GOLGA6L2: variants seen among roughly 807,000 people sequenced by gnomAD.
GOLGA6L2 encodes golgin subfamily A member 6-like protein 2.
A neutral mutation model predicts 35.9 loss-of-function variants in GOLGA6L2; 30 were observed. That is an observed-to-expected ratio of 0.83 (90% CI 0.62 to 1.13). The LOEUF (loss-of-function observed/expected upper bound fraction) is 1.13. Among genes scored for constraint, GOLGA6L2 ranks in the 50% most tolerant of loss-of-function variants. The pLI is 0.00. For missense variants in GOLGA6L2, 821 were observed against 973.4 expected, an observed-to-expected ratio of 0.84 and a Z score of 2.08; for synonymous variants, 297 against 344.0, an observed-to-expected ratio of 0.86 and a Z score of 1.51.
Position 23,441,844 on chromosome 15 carries a change from A to T in GOLGA6L2, c.792+135T>A, listed in dbSNP as rs564321723. 1.1e-4 allele frequency: 144 copies of T among 1,366,414 alleles called. No homozygotes were observed. The African/African-American group carries it at 2.0e-3, about 19-fold the overall frequency. The allele number at this position is 1,366,414 out of a possible 1,614,324, so 84.6% of individuals were successfully genotyped here. A position where few individuals can be genotyped will look rare whatever the true frequency, so the allele number is the denominator to read the frequency against. ...GTAGATTTTTAGCACACTCTAGAGG[A>T]TTCTATGGTGGGACCAGAACAAGGA... On this transcript the variant is annotated intron_variant, in intron 7 of 7. Coordinates refer to ENST00000567107, the MANE Select transcript of GOLGA6L2 (RefSeq NM_001304388.2).
chr15:23,443,964 G>A lies in GOLGA6L2; in HGVS notation c.404C>T (p.Thr135Ile), dbSNP rs1420460546. The change falls in exon 5 of 8, where the codon ACC (threonine) becomes ATC (isoleucine). Residue 135 changes from threonine (T) to isoleucine (I), a missense_variant. Thr to Ile is a moderately conservative substitution (Grantham distance 89). Coordinates refer to ENST00000567107, the MANE Select transcript of GOLGA6L2 (RefSeq NM_001304388.2). Reference protein sequence around the residue: ...ARKFEDGNLGTPSSFNLALSQ... With the variant: ...ARKFEDGNLGIPSSFNLALSQ... The stretch of plus-strand genomic sequence containing the variant: ...AAGTGCCAGGTTGAAGGATGATGGG[G>A]TGCCCAGGTTCCCATCTTCAAATTT... 1.9e-6 allele frequency: 3 copies of A among 1,561,738 alleles called. No homozygotes were observed. The highest frequency in any genetic ancestry group is 2.6e-6 in the Non-Finnish European group (3 of 1,160,422).
chr15:23,442,518 G>A lies in GOLGA6L2; in HGVS notation c.592-10C>T. 1 of 1,588,476 alleles carries A rather than the reference G, an allele frequency of 6.3e-7. No homozygotes were observed. The highest frequency in any genetic ancestry group is 8.5e-7 in the Non-Finnish European group (1 of 1,174,432). ...TTAACTCCTCGATGTACTGCAAATAGAGAAAGGTTAAGTCAGGACAGAGCA... is the reference window on the plus strand; with the variant it reads ...TTAACTCCTCGATGTACTGCAAATAAAGAAAGGTTAAGTCAGGACAGAGCA... On this transcript the variant is annotated splice_polypyrimidine_tract_variant and intron_variant, in intron 5 of 7. Transcript: ENST00000567107.
rs2070649338 is a variant in GOLGA6L2 at position 23,440,375 on chromosome 15, T to G, written c.2100A>C (p.Arg700Ser). 1 of 1,211,366 alleles carries G rather than the reference T, an allele frequency of 8.3e-7. No individual in the cohort carries two copies. The highest frequency in any genetic ancestry group is 1.1e-6 in the Non-Finnish European group (1 of 898,114). The allele number at this position is 1,211,366 out of a possible 1,614,324, so 75.0% of individuals were successfully genotyped here. A position where few individuals can be genotyped will look rare whatever the true frequency, so the allele number is the denominator to read the frequency against. ...AGCTTCTCCTTCTGTTCCGGCAGCCTCTGCTGCTCCCACATCTTCTTCTTC... is the reference window on the plus strand; with the variant it reads ...AGCTTCTCCTTCTGTTCCGGCAGCCGCTGCTGCTCCCACATCTTCTTCTTC... ...GAGRRRCGSS[R>S]GCRNRRRSCG... Residue 700 changes from arginine to serine, a missense_variant, in exon 8 of 8, where the codon AGA becomes AGC. By Grantham distance (110) the Arg-to-Ser change is moderately radical. Around this residue, in one of 7 missense-constraint regions of GOLGA6L2, gnomAD observed 99 missense variants for 199.9 expected, o/e 0.50. Transcript: ENST00000567107.
At chr15:23,441,888 T>G in intron 7 of GOLGA6L2, 91 bp downstream of exon 7, 2 of 1,465,678 alleles carry the variant, frequency 1.4e-6, no homozygotes, top group South Asian at 1.4e-5. Context: ...TTCCAGCTCT[T>G]GGCTGGACCC....
rs1475359677 is a variant in GOLGA6L2, at chr15:23,439,732, AGTGT to A, written c.*9_*12del. 5.9e-6 allele frequency: 9 copies of A among 1,536,110 alleles called. No homozygotes were observed. The highest frequency in any genetic ancestry group is 7.8e-6 in the Non-Finnish European group (9 of 1,146,820). On this transcript the variant is annotated 3_prime_UTR_variant, in exon 8 of 8. Transcript: ENST00000567107. ...CTCCTCCTGCAGGCTCCACACTGCC[AGTGT>A]GGCTCATATTACAAAGAACTTTGGA... is the stretch of plus-strand genomic sequence containing the variant.
At chr15:23,441,815 A>AT in intron 7 of GOLGA6L2, 133 bp from the exon 8 acceptor site, 1 of 1,357,990 alleles carries the variant, frequency 7.4e-7, no homozygotes, top group South Asian at 1.6e-5. Context: ...AGGGCCCCAA[A>AT]TTTGTAGATT....
rs963887726 is a variant in GOLGA6L2, at chr15:23,441,445, G to A, written c.1030C>T (p.Arg344Trp). The A allele has an allele frequency of 1.8e-5, 25 of 1,399,014 alleles. No homozygotes were observed. The highest frequency in any genetic ancestry group is 1.9e-4 in the Middle Eastern group (1 of 5,404). The allele number at this position is 1,399,014 out of a possible 1,614,324, so 86.7% of individuals were successfully genotyped here. A position where few individuals can be genotyped will look rare whatever the true frequency, so the allele number is the denominator to read the frequency against. Residue 344 changes from arginine (R) to tryptophan (W), a missense_variant, in exon 8 of 8, where the codon CGG becomes TGG. Coordinates refer to ENST00000567107, the MANE Select transcript of GOLGA6L2 (RefSeq NM_001304388.2). ...EKELREQKKLREQEEQMQEQE... is the reference protein window; with the variant it reads ...EKELREQKKLWEQEEQMQEQE... ...TCCTGCATCTGCTCCTCCTGCTCCC[G>A]CAGCTTCTTCTGCTCCCGCAGCTCC...
At position 23,441,392 on chromosome 15, in the gene GOLGA6L2, C is replaced by G; in HGVS notation, c.1083G>C (p.Glu361Asp). ...TCTCTTCCTGCTCCCGCATCTTCTC[C>G]TCCTGCTCCCACATCTTCTCCTCCT... ...QEQEEKMWEQEEKMREQEEKM... is the reference protein window; with the variant it reads ...QEQEEKMWEQDEKMREQEEKM... The change falls in exon 8 of 8, where the codon GAG (glutamate) becomes GAC (aspartate). Residue 361 changes from glutamate (E) to aspartate (D), a missense_variant. Transcript: ENST00000567107. 6.5e-7 allele frequency: 1 copy of G among 1,536,996 alleles called. No individual in the cohort carries two copies. The highest frequency in any genetic ancestry group is 8.7e-7 in the Non-Finnish European group (1 of 1,143,294).
At position 23,444,115 on chromosome 15, in the gene GOLGA6L2, A is replaced by T. The variant is rs554424193; in HGVS notation, c.295-42T>A. 1.0e-4 allele frequency: 159 copies of T among 1,594,984 alleles called. 1 individual carries two copies. The East Asian group carries it at 3.0e-3, about 30-fold the overall frequency. ...AAGCAAGTGCTGAAAGAGAAGCAAA[A>T]AAACCTTCTCCAGAGGACAGGAGGG... On this transcript the variant is annotated intron_variant, in intron 4 of 7. Transcript: ENST00000567107.
At position 23,439,836 on chromosome 15, in the gene GOLGA6L2, G is replaced by A. The variant is rs529865072; in HGVS notation, c.2639C>T (p.Thr880Met). 16 of 1,487,026 alleles carry A rather than the reference G, an allele frequency of 1.1e-5. No homozygotes were observed. The East Asian group carries it at 2.3e-4, about 22-fold the overall frequency. The allele number at this position is 1,487,026 out of a possible 1,614,324, so 92.1% of individuals were successfully genotyped here. A position where few individuals can be genotyped will look rare whatever the true frequency, so the allele number is the denominator to read the frequency against. ...TCCTGCATCTTCTCTTTCTGATCTC[G>A]TATCCTCTCCTCCTTCTCTCGCATC... is the stretch of plus-strand genomic sequence containing the variant. ...GGDAREGGED[T>M]RSEREDAGEA... Residue 880 changes from threonine to methionine, a missense_variant, in exon 8 of 8, where the codon ACG (threonine) becomes ATG (methionine). Around this residue, in one of 7 missense-constraint regions of GOLGA6L2, gnomAD observed 48 missense variants for 42.7 expected, o/e 1.12. Coordinates refer to ENST00000567107, the MANE Select transcript of GOLGA6L2 (RefSeq NM_001304388.2).
Position 23,441,625 on chromosome 15 carries a change from G to A in GOLGA6L2, c.850C>T (p.Gln284Ter). The change falls in exon 8 of 8, where the codon CAG becomes TAG. Residue 284 changes from glutamine to a stop codon, truncating the protein, a stop_gained. Transcript: ENST00000567107. LOFTEE classifies it low-confidence loss of function (END_TRUNC). ...TCCTGCTTCCGTATCTTCTTTTCCT[G>A]CTCCCGTAGCTCCTCCTCCTGCCTC... ...MWRQEEELRE[Q>*]EKKIRKQEEK... 6.5e-7 allele frequency: 1 copy of A among 1,544,562 alleles called. No homozygotes were observed. The highest frequency in any genetic ancestry group is 8.7e-7 in the Non-Finnish European group (1 of 1,144,660).
intron 3 of GOLGA6L2, 109 bp from the exon 4 acceptor site, chr15:23,444,321 C>T (rs1397121503): frequency 2.0e-6 from 3 of 1,482,220 alleles, no homozygotes; most frequent in Non-Finnish European, 1.9e-6. Context: ...ACCCATGGGA[C>T]CAGGTTATCA....
chr15:23,444,576 AG>A (rs1886737392), intron 2 of GOLGA6L2, 76 bp from the exon 3 acceptor site: 1 of 1,379,528 alleles, frequency 7.2e-7, no homozygotes, highest in African/African-American at 1.4e-5. Context: ...AGCGGTACGC[AG>A]GGGTCAGGAA....
chr15:23,442,222 C>T (rs1405711424), intron 6 of GOLGA6L2, 102 bp from the exon 7 acceptor site: 18 of 1,346,670 alleles, frequency 1.3e-5, no homozygotes, highest in South Asian at 4.1e-5. Flanking sequence ...AACCGTGGCA[C>T]TGGAAGGGAC....
In GOLGA6L2 at chr15:23,442,518, G is replaced by C. The variant is rs771166152; in HGVS notation, c.592-10C>G. The C allele has an allele frequency of 5.2e-5, 83 of 1,588,358 alleles. No individual in the cohort carries two copies. Among genetic ancestry groups the C allele is most frequent in the Middle Eastern group, 1.6e-4 (1 of 6,066 alleles). On this transcript the variant is annotated splice_polypyrimidine_tract_variant and intron_variant, in intron 5 of 7. Coordinates refer to ENST00000567107, the MANE Select transcript of GOLGA6L2 (RefSeq NM_001304388.2). Reference sequence around the variant, plus strand: ...TTAACTCCTCGATGTACTGCAAATAGAGAAAGGTTAAGTCAGGACAGAGCA... The same window carrying C: ...TTAACTCCTCGATGTACTGCAAATACAGAAAGGTTAAGTCAGGACAGAGCA...
Position 23,439,734 on chromosome 15 carries a change from T to A in GOLGA6L2, c.*11A>T. The A allele has an allele frequency of 1.3e-6, 2 of 1,536,300 alleles. No individual in the cohort carries two copies. The highest frequency in any genetic ancestry group is 1.7e-6 in the Non-Finnish European group (2 of 1,146,820). On this transcript the variant is annotated 3_prime_UTR_variant, in exon 8 of 8. Coordinates refer to ENST00000567107, the MANE Select transcript of GOLGA6L2 (RefSeq NM_001304388.2). ...CCTCCTGCAGGCTCCACACTGCCAG[T>A]GTGGCTCATATTACAAAGAACTTTG...
intron 2 of GOLGA6L2, among the ~76,000 whole-genome samples, chr15:23,445,044 C>G (rs1886749780): frequency 8.6e-6 from 1 of 116,174 alleles, no homozygotes; most frequent in African/African-American, 2.7e-5. Flanking sequence ...GGGATTAACA[C>G]AAAAACAACA....
At chr15:23,444,532 G>A in intron 2 of GOLGA6L2, 32 bp from the exon 3 acceptor site, 1 of 1,596,998 alleles carries the variant, frequency 6.3e-7, no homozygotes, top group Non-Finnish European at 8.5e-7. Flanking sequence ...GGTGACTGAG[G>A]GTGGCCCCCT....
At chr15:23,445,755 C>A (rs377316972) in intron 1 of GOLGA6L2, among the ~76,000 whole-genome samples, 1 of 152,140 alleles carries the variant, frequency 6.6e-6, no homozygotes, top group Non-Finnish European at 1.5e-5. Flanking sequence ...GGTTTAGAGT[C>A]GTACATCCTC....
Sources: allele counts gnomAD v4.1 joint callset (sites outside exome capture counted in the v4.1 genomes callset), GRCh38; gene constraint gnomAD v4.1.1; regional missense constraint gnomAD v4.1.1; transcripts MANE v1.5; gene names NCBI Gene and HGNC (gene_info 2026-07-23, HGNC 2026-07-21).